Variants in TECR observed in about 807,000 individuals in gnomAD.
TECR encodes the protein trans-2,3-enoyl-CoA reductase, also known as very-long-chain enoyl-CoA reductase.
Under a neutral mutation model 50.6 loss-of-function variants are expected in TECR, and 19 were observed. The ratio of observed to expected loss-of-function variants is 0.38; its 90% CI spans 0.26 to 0.55. TECR has a LOEUF of 0.55. Ranked by LOEUF, TECR falls within the 20% of genes least tolerant of loss-of-function variation. The pLI, the probability that TECR is intolerant of heterozygous loss-of-function variation, is 0.79. For missense variants in TECR, 313 were observed against 408.3 expected (o/e 0.77, Z 2.01); for synonymous variants, 168 against 163.5 (o/e 1.03, Z -0.21).
chr19:14,539,885 T>C (rs1184198988), intron 1 of TECR, among the ~76,000 whole-genome samples: 3 of 150,468 alleles, frequency 2.0e-5, no homozygotes, highest in South Asian at 2.1e-4. Context: ...TCTTTCTTTT[T>C]TTTTTTTTTT....
intron 1 of TECR, among the ~76,000 whole-genome samples, chr19:14,550,298 T>G (rs542548809): frequency 1.1e-4 from 16 of 152,202 alleles, no homozygotes; most frequent in East Asian, 1.9e-4. Context: ...GCGGGTGGTG[T>G]TAGCTGCCGC....
At chr19:14,543,501 C>A (rs1365878443) in intron 1 of TECR, among the ~76,000 whole-genome samples, 1 of 116,074 alleles carries the variant, frequency 8.6e-6, no homozygotes, top group South Asian at 2.9e-4. Context: ...TGCAGTGGCG[C>A]GATCTAGGCT....
chr19:14,542,374 T>TTTTTTTTC (rs1469315066), intron 1 of TECR, among the ~76,000 whole-genome samples: 4 of 117,182 alleles, frequency 3.4e-5, no homozygotes, highest in African/African-American at 1.0e-4. Context: ...TTTTTTTTTT[T>TTTTTTTTC]TTCTGAGATG....
intron 1 of TECR, among the ~76,000 whole-genome samples, chr19:14,557,741 C>T (rs926712194): frequency 1.6e-4 from 24 of 150,468 alleles, no homozygotes; most frequent in African/African-American, 4.2e-4. Flanking sequence ...CATGAGCCAC[C>T]GTGCCCGGTC....
intron 1 of TECR, among the ~76,000 whole-genome samples, chr19:14,538,899 A>G (rs759321821): frequency 2.8e-4 from 42 of 151,906 alleles, no homozygotes; most frequent in Non-Finnish European, 5.7e-4. Flanking sequence ...GTCAAATCAT[A>G]TGCCCAGAAG....
chr19:14,559,952 A>T (rs1016508140), intron 1 of TECR, among the ~76,000 whole-genome samples: 2 of 146,200 alleles, frequency 1.4e-5, no homozygotes, highest in Non-Finnish European at 3.0e-5. Context: ...CTGAGGACTC[A>T]TCCTGCCCAG....
rs1211545696 is a variant in TECR, at chr19:14,564,001, C to T, written c.287C>T (p.Ala96Val). ...TCTCAGGTCTTCCTAACAGAGTACG[C>T]GGGGCCCCTTTTCATCTACCTGCTC... ...SWVTVFLTEY[A>V]GPLFIYLLFY... Residue 96 changes from alanine to valine, a missense_variant, in exon 6 of 13, where the codon GCG becomes GTG. By Grantham distance (64) the Ala-to-Val change is moderately conservative (BLOSUM62 0). Coordinates refer to ENST00000215567, the MANE Select transcript of TECR (RefSeq NM_138501.6). 9 of 1,613,946 alleles carry T rather than the reference C, an allele frequency of 5.6e-6. No individual in the cohort carries two copies. In the Admixed American group the frequency reaches 6.7e-5, roughly 12 times the overall value.
chr19:14,558,545 G>T (rs1265548451), intron 1 of TECR, among the ~76,000 whole-genome samples: 1 of 152,158 alleles, frequency 6.6e-6, no homozygotes, highest in Admixed American at 6.5e-5. Context: ...TCTCAGGCTA[G>T]TGGAACTGTC....
At chr19:14,538,382 T>G (rs2072978561) in intron 1 of TECR, among the ~76,000 whole-genome samples, 1 of 152,070 alleles carries the variant, frequency 6.6e-6, no homozygotes, top group Non-Finnish European at 1.5e-5. Context: ...GAGTGTGAAG[T>G]GCTCAGCATG....
At chr19:14,553,183 A>G (rs1263480152) in intron 1 of TECR, among the ~76,000 whole-genome samples, 1 of 152,076 alleles carries the variant, frequency 6.6e-6, no homozygotes, top group South Asian at 2.1e-4. Flanking sequence ...CTGGATTGCT[A>G]CCTGCTCGCT....
In TECR at chr19:14,562,413, CTTG is replaced by C. The variant is rs1372278467; in HGVS notation, c.16-108_16-106del. 1.4e-5 allele frequency: 16 copies of C among 1,154,496 alleles called. No homozygotes were observed. The Admixed American group carries it at 2.9e-4, about 21-fold the overall frequency. 71.5% of individuals were successfully genotyped at this position (1,154,496 alleles called of 1,614,324 possible). The stretch of plus-strand genomic sequence containing the variant: ...CAGGCGGCATGGACTTGAACTTGAG[CTTG>C]TTGGCCCGGGAGGCCACCCCAGGCC... On this transcript the variant is annotated intron_variant, in intron 1 of 12. Transcript: ENST00000215567.
intron 1 of TECR, chr19:14,532,346 G>C (rs2072703154): frequency 6.6e-6 from 1 of 151,982 alleles, no homozygotes; most frequent in Non-Finnish European, 1.5e-5. Context: ...AGGAGTTCAA[G>C]ACCAGCCTGG....
At chr19:14,536,959 A>G (rs1599420071) in intron 1 of TECR, among the ~76,000 whole-genome samples, 1 of 45,718 alleles carries the variant, frequency 2.2e-5, no homozygotes, top group African/African-American at 8.7e-5. Context: ...AGATGTGGGG[A>G]GGAGGGGCCG....
upstream of TECR, among the ~76,000 whole-genome samples, chr19:14,528,672 GC>G (rs1229417362): frequency 6.6e-6 from 1 of 152,054 alleles, no homozygotes; most frequent in African/African-American, 2.4e-5. Flanking sequence ...GGGCGGGGTG[GC>G]TCAGGCCTGT....
Position 14,563,855 on chromosome 19 carries a change from G to A in TECR, c.219G>A (p.Thr73=). The A allele has an allele frequency of 6.2e-7, 1 of 1,613,980 alleles. No individual in the cohort carries two copies. The highest frequency in any genetic ancestry group is 1.1e-5 in the South Asian group (1 of 91,084). Residue 73 remains threonine, a synonymous_variant, in exon 5 of 13, where the codon ACG becomes ACA. Transcript: ENST00000215567. This position sits in a 1 kb window ranked among gnomAD's most constrained non-coding sequence, Gnocchi z 5.3. Reference sequence around the variant, plus strand: ...TGCAGAAGCTGCCCGTGGGCACCACGGCCACACTGTACTTCCGGGACCTGG... The same window carrying A: ...TGCAGAAGCTGCCCGTGGGCACCACAGCCACACTGTACTTCCGGGACCTGG... ...DVLQKLPVGT[T]ATLYFRDLGA...
At chr19:14,546,511 C>T (rs570889716) in intron 1 of TECR, among the ~76,000 whole-genome samples, 40 of 152,182 alleles carry the variant, frequency 2.6e-4, no homozygotes, top group Admixed American at 1.2e-3. Flanking sequence ...TGCTTGAACC[C>T]GGGAGGCAGA....
chr19:14,543,806 G>A (rs573434016), intron 1 of TECR, among the ~76,000 whole-genome samples: 1 of 151,476 alleles, frequency 6.6e-6, no homozygotes, highest in East Asian at 1.9e-4. Flanking sequence ...TGGTATGATC[G>A]CAGCTCATTG....
At chr19:14,565,528 G>C in intron 11 of TECR, 90 bp from the exon 12 acceptor site, 6 of 1,540,444 alleles carry the variant, frequency 3.9e-6, no homozygotes, top group Non-Finnish European at 5.2e-6. Flanking sequence ...TCAGAAAGCA[G>C]GGGCGGCGGG....
intron 1 of TECR, chr19:14,545,644 G>A (rs2073281806): frequency 1.5e-5 from 3 of 193,808 alleles, no homozygotes; most frequent in Middle Eastern, 4.6e-3. Context: ...CAGGCCCGAC[G>A]CAGCAAGGGG....
Sources: gnomAD v4.1 joint callset for allele counts (sites outside exome capture counted in the v4.1 genomes callset) on GRCh38, gnomAD v4.1.1 for gene constraint, Gnocchi (gnomAD v3.1) non-coding constraint, MANE v1.5 for transcripts, NCBI Gene and HGNC (gene_info 2026-07-23, HGNC 2026-07-21) for gene names.